Variants in TNKS observed in about 807,000 individuals in gnomAD.
TNKS encodes tankyrase.
Under a neutral mutation model 135.8 loss-of-function variants are expected in TNKS, and 72 were observed. The observed-to-expected ratio is 0.53, with a 90% CI of 0.44 to 0.64. The LOEUF is 0.64. Ranked by LOEUF, TNKS falls within the 30% of genes least tolerant of loss-of-function variation. The probability of loss-of-function intolerance (pLI) is 0.00; values close to 1 mark genes in which losing one functional copy is unlikely to be tolerated. For missense variants in TNKS, 1,769 were observed against 1,674.0 expected (o/e 1.06, Z -0.99); for synonymous variants, 849 against 649.3 (o/e 1.31, Z -4.68).
chr8:9,723,592 C>T (rs1357668375), intron 12 of TNKS, among the ~76,000 whole-genome samples: 1 of 152,182 alleles, frequency 6.6e-6, no homozygotes, highest in African/African-American at 2.4e-5. Flanking sequence ...CACTTTAAAA[C>T]ATTATTTCCA....
intron 2 of TNKS, among the ~76,000 whole-genome samples, chr8:9,590,748 G>A (rs751595877): frequency 5.9e-5 from 9 of 152,072 alleles, no homozygotes; most frequent in South Asian, 2.1e-4. Context: ...ATCTTTGTCC[G>A]TTATTAAATT....
chr8:9,591,473 T>C (rs1563100594), intron 2 of TNKS, among the ~76,000 whole-genome samples: 1 of 152,238 alleles, frequency 6.6e-6, no homozygotes, highest in East Asian at 1.9e-4. Context: ...GAATGCTAAG[T>C]GCACATTGGA....
chr8:9,728,062 T>C (rs936540034), intron 13 of TNKS, among the ~76,000 whole-genome samples: 2 of 152,222 alleles, frequency 1.3e-5, no homozygotes, highest in Non-Finnish European at 2.9e-5. Flanking sequence ...AATTAATACA[T>C]ACTTTATTTT....
intron 2 of TNKS, among the ~76,000 whole-genome samples, chr8:9,602,690 C>T (rs1383187496): frequency 6.6e-6 from 1 of 152,134 alleles, no homozygotes; most frequent in African/African-American, 2.4e-5. Context: ...TGTTCATTAG[C>T]AATGTAATGC....
intron 12 of TNKS, among the ~76,000 whole-genome samples, chr8:9,725,583 A>C (rs1805123932): frequency 6.6e-6 from 1 of 152,212 alleles, no homozygotes; most frequent in Non-Finnish European, 1.5e-5. Context: ...ATCATAAGAT[A>C]ATACAATCTT....
At chr8:9,772,953 C>T (rs79273905) in intron 26 of TNKS, among the ~76,000 whole-genome samples, 19 of 148,962 alleles carry the variant, frequency 1.3e-4, no homozygotes, top group African/African-American at 4.0e-4. Flanking sequence ...CCTTCCCAAA[C>T]GTAGATCTGG....
At chr8:9,773,070 G>C (rs1291923259) in intron 26 of TNKS, among the ~76,000 whole-genome samples, 3 of 151,632 alleles carry the variant, frequency 2.0e-5, no homozygotes, top group South Asian at 2.1e-4. Flanking sequence ...GAATAAATTT[G>C]TCATATTTTT....
At chr8:9,629,727 G>T (rs1489953867) in intron 3 of TNKS, among the ~76,000 whole-genome samples, 1 of 152,228 alleles carries the variant, frequency 6.6e-6, no homozygotes, top group African/African-American at 2.4e-5. Flanking sequence ...CTGTCGCCCA[G>T]GCTGGAGTGC....
intron 20 of TNKS, among the ~76,000 whole-genome samples, chr8:9,757,714 T>A (rs971579193): frequency 7.9e-5 from 12 of 152,246 alleles, no homozygotes; most frequent in Admixed American, 3.3e-4. Flanking sequence ...GTTAGCACTC[T>A]GTTTCATGGC....
At chr8:9,709,905 C>G in intron 9 of TNKS, 50 bp from the exon 10 acceptor site, 1 of 1,402,122 alleles carries the variant, frequency 7.1e-7, no homozygotes, top group South Asian at 1.2e-5. Context: ...CCAAGAGCTA[C>G]TGTACATATG....
chr8:9,566,288 CT>C (rs1158325957), intron 1 of TNKS: 8 of 152,170 alleles, frequency 5.3e-5, no homozygotes, highest in Middle Eastern at 3.4e-3. Flanking sequence ...AAAAAGAAAA[CT>C]TTTTGGATAA....
intron 3 of TNKS, among the ~76,000 whole-genome samples, chr8:9,620,962 T>G (rs1799845256): frequency 6.6e-6 from 1 of 152,228 alleles, no homozygotes; most frequent in South Asian, 2.1e-4. Flanking sequence ...ATCAATCAAA[T>G]AAATATGTCT....
At chr8:9,701,909 G>C (rs1396485579) in intron 5 of TNKS, among the ~76,000 whole-genome samples, 1 of 152,190 alleles carries the variant, frequency 6.6e-6, no homozygotes, top group Non-Finnish European at 1.5e-5. Context: ...GAGACTGCTT[G>C]AGGCTAGTAA....
chr8:9,735,095 C>T lies in TNKS; in HGVS notation c.2533+11C>T, dbSNP rs755126337. 6.2e-7 allele frequency: 1 copy of T among 1,610,056 alleles called. No homozygotes were observed. The highest frequency in any genetic ancestry group is 1.1e-5 in the South Asian group (1 of 90,584). ...CTCTGCACCTGGCAGGTAAGCGCCC[C>T]CAGTGCCTCCAAGCCTCCTTTTCCT... On this transcript the variant is annotated intron_variant, in intron 16 of 26. Coordinates refer to ENST00000310430, the MANE Select transcript of TNKS (RefSeq NM_003747.3).
intron 13 of TNKS, among the ~76,000 whole-genome samples, chr8:9,728,758 C>T (rs1046761368): frequency 2.0e-5 from 3 of 152,186 alleles, no homozygotes; most frequent in African/African-American, 7.2e-5. Context: ...GACCTGGTCA[C>T]ATTACAATGG....
intron 3 of TNKS, among the ~76,000 whole-genome samples, chr8:9,639,632 C>T (rs1447325873): frequency 6.7e-6 from 1 of 150,016 alleles, no homozygotes; most frequent in Non-Finnish European, 1.5e-5. Context: ...TATTGTAGTT[C>T]AGTAACTTTT....
At chr8:9,691,408 A>T (rs1185327415) in intron 5 of TNKS, among the ~76,000 whole-genome samples, 1 of 152,214 alleles carries the variant, frequency 6.6e-6, no homozygotes, top group East Asian at 1.9e-4. Context: ...TATGGATCAG[A>T]ATGCTAAAGT....
chr8:9,657,567 C>T (rs1801453298), intron 3 of TNKS, among the ~76,000 whole-genome samples: 1 of 81,876 alleles, frequency 1.2e-5, no homozygotes, highest in Non-Finnish European at 2.6e-5. Flanking sequence ...AGGCGCCCCT[C>T]ACCTCCCAGA....
chr8:9,761,550 A>T lies in TNKS; in HGVS notation c.3188A>T (p.Glu1063Val), dbSNP rs1563216978. 1 of 1,612,188 alleles carries T rather than the reference A, an allele frequency of 6.2e-7. No individual in the cohort carries two copies. The highest frequency in any genetic ancestry group is 8.5e-7 in the Non-Finnish European group (1 of 1,179,630). ...GATGTGTTGGCTGATATGGGTCATG[A>T]AGAGTTGAAAGAAATAGGCATCAAT... ...TLDVLADMGHEELKEIGINAY... is the reference protein window; with the variant it reads ...TLDVLADMGHVELKEIGINAY... The change falls in exon 21 of 27, where the codon GAA (glutamate) becomes GTA (valine). Residue 1063 changes from glutamate to valine, a missense_variant. By Grantham distance (121) the Glu-to-Val change is moderately radical. This residue lies in a region of TNKS where 722 missense variants were observed against 688.9 expected (regional missense o/e 1.05). Coordinates refer to ENST00000310430, the MANE Select transcript of TNKS (RefSeq NM_003747.3).
Sources: allele counts gnomAD v4.1 joint callset (sites outside exome capture counted in the v4.1 genomes callset), GRCh38; gene constraint gnomAD v4.1.1; regional missense constraint gnomAD v4.1.1; transcripts MANE v1.5; gene names NCBI Gene and HGNC (gene_info 2026-07-23, HGNC 2026-07-21).